SBF2: variants seen among roughly 807,000 people sequenced by gnomAD.
SBF2 encodes the protein SET binding factor 2, also known as myotubularin-related protein 13.
In SBF2, 112 loss-of-function variants were observed where a neutral mutation model predicts 225.2. That is an observed-to-expected ratio of 0.50 (90% CI 0.43 to 0.58). The LOEUF is 0.58. Among genes scored for constraint, SBF2 ranks in the 20% least tolerant of loss-of-function variants. The probability of loss-of-function intolerance (pLI) is 0.00; values close to 1 mark genes in which losing one functional copy is unlikely to be tolerated. For synonymous variants in SBF2, 763 were observed against 773.3 expected (o/e 0.99, Z 0.22); for missense variants, 1,996 against 2,206.2 (o/e 0.90, Z 1.91).
At chr11:10,012,249 G>A (rs771045936) in intron 6 of SBF2, among the ~76,000 whole-genome samples, 3 of 152,138 alleles carry the variant, frequency 2.0e-5, no homozygotes, top group Non-Finnish European at 2.9e-5. Context: ...GGGCTCAAGC[G>A]ATCCTCCTAC....
intron 32 of SBF2, among the ~76,000 whole-genome samples, chr11:9,805,827 T>C (rs1288725032): frequency 1.3e-5 from 2 of 152,154 alleles, no homozygotes; most frequent in Non-Finnish European, 2.9e-5. Flanking sequence ...TTTCACCATG[T>C]TGGCCAGGAT....
intron 2 of SBF2, among the ~76,000 whole-genome samples, chr11:10,165,798 G>C (rs1044763689): frequency 2.6e-5 from 4 of 152,048 alleles, no homozygotes; most frequent in African/African-American, 9.7e-5. Flanking sequence ...ATACATATTA[G>C]GACCTTCAAC....
intron 2 of SBF2, among the ~76,000 whole-genome samples, chr11:10,081,595 C>A (rs1168512834): frequency 2.0e-5 from 3 of 151,850 alleles, no homozygotes; most frequent in Non-Finnish European, 4.4e-5. Context: ...CCCATCTCTA[C>A]TAAAATTACA....
chr11:9,865,030 C>A (rs1442729827), intron 17 of SBF2, among the ~76,000 whole-genome samples: 1 of 152,144 alleles, frequency 6.6e-6, no homozygotes, highest in East Asian at 1.9e-4. Context: ...CCCACCTCAG[C>A]CTCCTGAGTA....
At chr11:9,789,772 T>C (rs546501103) in intron 34 of SBF2, among the ~76,000 whole-genome samples, 4 of 150,146 alleles carry the variant, frequency 2.7e-5, no homozygotes, top group African/African-American at 1.0e-4. Context: ...TCAAACCTGC[T>C]ACTTTTTGCC....
chr11:9,859,183 G>T (rs1468820324), intron 17 of SBF2, among the ~76,000 whole-genome samples: 1 of 152,154 alleles, frequency 6.6e-6, no homozygotes, highest in Non-Finnish European at 1.5e-5. Context: ...CAAAACCCCT[G>T]CTCTTTTTAT....
At chr11:9,939,835 T>C (rs1216448135) in intron 16 of SBF2, among the ~76,000 whole-genome samples, 2 of 152,184 alleles carry the variant, frequency 1.3e-5, no homozygotes, top group East Asian at 1.9e-4. Context: ...CACCATGAAA[T>C]ATTAAGTAAT....
intron 28 of SBF2, chr11:9,819,619 A>C (rs1338166004): frequency 6.6e-6 from 1 of 152,216 alleles, no homozygotes; most frequent in African/African-American, 2.4e-5. Context: ...GAAGATTGTC[A>C]TTCAGTCAGA....
intron 2 of SBF2, among the ~76,000 whole-genome samples, chr11:10,117,894 G>A (rs1169670602): frequency 6.6e-6 from 1 of 152,024 alleles, no homozygotes; most frequent in East Asian, 1.9e-4. Context: ...AACAAAGAAT[G>A]TGATACTTTT....
At chr11:9,796,170 A>T (rs1055213279) in intron 32 of SBF2, among the ~76,000 whole-genome samples, 13 of 149,676 alleles carry the variant, frequency 8.7e-5, no homozygotes, top group Non-Finnish European at 1.5e-4. Flanking sequence ...TTTTTTTTTT[A>T]AATAAACATA....
chr11:10,260,746 T>C (rs956222660), intron 1 of SBF2, among the ~76,000 whole-genome samples: 2 of 145,722 alleles, frequency 1.4e-5, no homozygotes, highest in Non-Finnish European at 3.0e-5. Context: ...ATGGGCGAGG[T>C]GGTGTGCACC....
chr11:10,247,539 A>T (rs1959929726), intron 1 of SBF2, among the ~76,000 whole-genome samples: 1 of 151,230 alleles, frequency 6.6e-6, no homozygotes, highest in South Asian at 2.1e-4. Context: ...AAAAAAAAAA[A>T]AAAAATTAGC....
chr11:10,026,490 G>A (rs996122496), intron 6 of SBF2, among the ~76,000 whole-genome samples: 3 of 152,090 alleles, frequency 2.0e-5, no homozygotes, highest in Non-Finnish European at 4.4e-5. Context: ...CAGCTCTTTG[G>A]GAGGCCAAAG....
chr11:9,878,087 T>C (rs1859428244), intron 17 of SBF2, among the ~76,000 whole-genome samples: 1 of 152,188 alleles, frequency 6.6e-6, no homozygotes, highest in African/African-American at 2.4e-5. Flanking sequence ...ATGACCGCCA[T>C]TCTAACTGGC....
chr11:10,136,586 C>G (rs1297668399), intron 2 of SBF2, among the ~76,000 whole-genome samples: 1 of 152,110 alleles, frequency 6.6e-6, no homozygotes, highest in Non-Finnish European at 1.5e-5. Flanking sequence ...TGTTGTATGG[C>G]CAAGTCAGAC....
In SBF2 at chr11:10,121,465, G is replaced by A. The variant is rs528643097; in HGVS notation, c.141+72437C>T. ...GTATGAAGTCTTAACACTGTTAAAG[G>A]AAAGATATATCCCCCTCCCACCACC... On this transcript the variant is annotated intron_variant, in intron 2 of 39. Coordinates refer to ENST00000256190, the MANE Select transcript of SBF2 (RefSeq NM_030962.4). Among the ~76,000 whole-genome samples the A allele has an allele frequency of 2.0e-5, 3 of 152,140 alleles. No individual in the cohort carries two copies. In the South Asian group the frequency reaches 6.2e-4, roughly 32 times the overall value.
chr11:10,202,759 G>A (rs1393721318), intron 1 of SBF2, among the ~76,000 whole-genome samples: 1 of 152,226 alleles, frequency 6.6e-6, no homozygotes, highest in Non-Finnish European at 1.5e-5. Context: ...CTGCACTCCA[G>A]CCTGGGTGAC....
At chr11:9,922,844 C>T (rs976498535) in intron 16 of SBF2, among the ~76,000 whole-genome samples, 1 of 152,164 alleles carries the variant, frequency 6.6e-6, no homozygotes, top group Non-Finnish European at 1.5e-5. Context: ...ATACTCCCTA[C>T]AGAGCAAGTT....
intron 17 of SBF2, among the ~76,000 whole-genome samples, chr11:9,881,127 A>G (rs887753890): frequency 2.0e-5 from 3 of 152,198 alleles, no homozygotes; most frequent in African/African-American, 7.2e-5. Flanking sequence ...GCATTTTTGG[A>G]TATAGAATCT....
Sources: allele counts gnomAD v4.1 joint callset (sites outside exome capture counted in the v4.1 genomes callset), GRCh38; gene constraint gnomAD v4.1.1; transcripts MANE v1.5; gene names NCBI Gene and HGNC (gene_info 2026-07-23, HGNC 2026-07-21).